Variants in CNTLN observed in about 807,000 individuals in gnomAD.
The protein encoded by CNTLN is centlein, centrosomal protein.
A neutral mutation model predicts 180.0 loss-of-function variants in CNTLN; 212 were observed. The ratio of observed to expected loss-of-function variants is 1.18; its 90% CI spans 1.05 to 1.32. The LOEUF is 1.32. CNTLN is among the 40% of genes most tolerant of loss of function. The pLI is 0.00. For synonymous variants in CNTLN, 722 were observed against 563.1 expected (o/e 1.28, Z -3.99); for missense variants, 2,095 against 1,610.9 (o/e 1.30, Z -5.14).
chr9:17,337,565 A>G (rs1032936703), intron 10 of CNTLN, among the ~76,000 whole-genome samples: 1 of 152,234 alleles, frequency 6.6e-6, no homozygotes, highest in Non-Finnish European at 1.5e-5. Flanking sequence ...TTTATTAATT[A>G]AAGTGCCTAG....
At chr9:17,206,922 A>G (rs1248425401) in intron 2 of CNTLN, among the ~76,000 whole-genome samples, 1 of 152,222 alleles carries the variant, frequency 6.6e-6, no homozygotes, top group Admixed American at 6.5e-5. Flanking sequence ...CCTCATGCCA[A>G]ACAGCTTGTT....
At chr9:17,179,801 C>T (rs550515967) in intron 2 of CNTLN, among the ~76,000 whole-genome samples, 17 of 151,956 alleles carry the variant, frequency 1.1e-4, no homozygotes, top group Non-Finnish European at 2.1e-4. Context: ...ATCTATTACT[C>T]TTTTCAGTTC....
At chr9:17,378,464 C>T (rs985341591) in intron 13 of CNTLN, among the ~76,000 whole-genome samples, 3 of 152,124 alleles carry the variant, frequency 2.0e-5, no homozygotes, top group African/African-American at 7.2e-5. Context: ...CAGGTGGGAG[C>T]CACCGCACCC....
chr9:17,435,559 C>CT (rs35562399), intron 18 of CNTLN, among the ~76,000 whole-genome samples: 2,408 of 144,132 alleles, frequency 0.017, 68 homozygotes, highest in African/African-American at 0.057. Flanking sequence ...AAGAGTGGCT[C>CT]TTTTTTTTTT....
chr9:17,265,533 G>T (rs912221348), intron 5 of CNTLN, among the ~76,000 whole-genome samples: 12 of 152,102 alleles, frequency 7.9e-5, no homozygotes, highest in East Asian at 1.9e-4. Flanking sequence ...CCAGGCTTTG[G>T]TTTGAGGATG....
rs773339518 is a variant in CNTLN at position 17,135,242 on chromosome 9, T to C, written c.177T>C (p.Gly59=). The change falls in exon 1 of 26, where the codon GGT becomes GGC. Residue 59 remains glycine, a synonymous_variant. Transcript: ENST00000380647. ...ACGAAAGTGATAAAATCTGGGTGGGTGAAGAAGGGTCAGGGGGCCGGCGAG... is the reference window on the plus strand; with the variant it reads ...ACGAAAGTGATAAAATCTGGGTGGGCGAAGAAGGGTCAGGGGGCCGGCGAG... ...VADESDKIWV[G]EEGSGGRRGP... 6.8e-6 allele frequency: 11 copies of C among 1,607,060 alleles called. No homozygotes were observed. In the Admixed American group the frequency reaches 1.2e-4, roughly 17 times the overall value.
chr9:17,317,562 A>T (rs1819614276), intron 8 of CNTLN, among the ~76,000 whole-genome samples: 1 of 138,862 alleles, frequency 7.2e-6, no homozygotes. Flanking sequence ...ACCATCTGAT[A>T]AGCACATGAC....
chr9:17,270,058 G>T (rs1827819858), intron 5 of CNTLN, among the ~76,000 whole-genome samples: 1 of 151,498 alleles, frequency 6.6e-6, no homozygotes, highest in Non-Finnish European at 1.5e-5. Flanking sequence ...TTGTTTTTTT[G>T]GTGGAAGATC....
At chr9:17,379,863 C>T (rs1046681772) in intron 13 of CNTLN, among the ~76,000 whole-genome samples, 7 of 152,166 alleles carry the variant, frequency 4.6e-5, no homozygotes, top group Non-Finnish European at 1.0e-4. Context: ...TCAGTCTCCT[C>T]TAGTCTTCCC....
chr9:17,274,006 G>A (rs559622026), intron 6 of CNTLN, 140 bp downstream of exon 6: 2 of 671,656 alleles, frequency 3.0e-6, no homozygotes, highest in African/African-American at 3.8e-5. Flanking sequence ...TTGAGAATCT[G>A]GAGTTATTTA....
At chr9:17,363,693 C>G (rs142102815) in intron 12 of CNTLN, among the ~76,000 whole-genome samples, 5 of 152,024 alleles carry the variant, frequency 3.3e-5, no homozygotes, top group Non-Finnish European at 5.9e-5. Flanking sequence ...GATCCAATAT[C>G]GTTTTGTTGT....
At chr9:17,269,353 G>C (rs1827767647) in intron 5 of CNTLN, among the ~76,000 whole-genome samples, 2 of 151,760 alleles carry the variant, frequency 1.3e-5, no homozygotes, top group Admixed American at 1.3e-4. Context: ...GTAAATTTAG[G>C]TTGTTGAGAT....
rs780881057 is a variant in CNTLN, at chr9:17,298,193, G to A, written c.987G>A (p.Lys329=). The change falls in exon 7 of 26, where the codon AAG becomes AAA. Residue 329 remains lysine, a synonymous_variant. Transcript: ENST00000380647. ...ATTTATTGCTTGCTTTGCACAGGAA[G>A]GAACTGCAGGAGCTGCAGAATCTTT... ...QKDMDITLVR[K]ELQELQNLYK... 11 of 1,499,810 alleles carry A rather than the reference G, an allele frequency of 7.3e-6. No individual in the cohort carries two copies. The South Asian group carries it at 1.4e-4, about 20-fold the overall frequency. 92.9% of individuals were successfully genotyped at this position (1,499,810 alleles called of 1,614,324 possible). A position where few individuals can be genotyped will look rare whatever the true frequency, so the allele number is the denominator to read the frequency against.
chr9:17,366,196 G>C (rs1275729383), intron 12 of CNTLN, among the ~76,000 whole-genome samples: 7 of 152,106 alleles, frequency 4.6e-5, no homozygotes, highest in Non-Finnish European at 5.9e-5. Flanking sequence ...TGAAATTATA[G>C]CTTACTGTAA....
chr9:17,294,722 G>T (rs148974314), intron 6 of CNTLN, among the ~76,000 whole-genome samples: 1,861 of 136,830 alleles, frequency 0.014, 53 homozygotes, highest in African/African-American at 0.049. Context: ...CCGTGGAGCA[G>T]GGGGCAGAGC....
At chr9:17,295,482 G>C (rs576206668) in intron 6 of CNTLN, among the ~76,000 whole-genome samples, 39 of 152,222 alleles carry the variant, frequency 2.6e-4, no homozygotes, top group Admixed American at 1.8e-3. Context: ...GCACCACCCT[G>C]CTTTTCCTTG....
chr9:17,333,868 A>G (rs906138675), intron 10 of CNTLN, among the ~76,000 whole-genome samples: 4 of 152,202 alleles, frequency 2.6e-5, no homozygotes, highest in Admixed American at 6.5e-5. Flanking sequence ...GAGCATTGCA[A>G]TTAGCTAAGC....
At chr9:17,435,066 A>G (rs1412720146) in intron 18 of CNTLN, among the ~76,000 whole-genome samples, 1 of 152,198 alleles carries the variant, frequency 6.6e-6, no homozygotes, top group African/African-American at 2.4e-5. Context: ...TTAAGAATGT[A>G]TTCTGTATTG....
intron 23 of CNTLN, among the ~76,000 whole-genome samples, chr9:17,478,570 G>A (rs1290833393): frequency 6.6e-6 from 1 of 150,868 alleles, no homozygotes. Context: ...TGTTTCCCAC[G>A]CTGGACTCCC....
Sources: allele counts gnomAD v4.1 joint callset (sites outside exome capture counted in the v4.1 genomes callset), GRCh38; gene constraint gnomAD v4.1.1; transcripts MANE v1.5; gene names NCBI Gene and HGNC (gene_info 2026-07-23, HGNC 2026-07-21).